The following BANP variants were observed in gnomAD, a reference collection of about 807,000 sequenced individuals.
BANP encodes BTG3 associated nuclear protein.
BANP carries 11 observed loss-of-function variants against 68.1 expected under a neutral mutation model. The ratio of observed to expected loss-of-function variants is 0.16; its 90% CI spans 0.10 to 0.27. The LOEUF (loss-of-function observed/expected upper bound fraction) is 0.27, where lower values mean the gene tolerates loss of function less well. BANP is among the 10% of genes least tolerant of loss of function. The pLI is 1.00. For synonymous variants in BANP, 329 were observed against 303.2 expected (o/e 1.09, Z -0.88); for missense variants, 504 against 722.7 (o/e 0.70, Z 3.47).
At chr16:88,049,437 T>C (rs1026030469) in intron 11 of BANP, among the ~76,000 whole-genome samples, 11 of 152,190 alleles carry the variant, frequency 7.2e-5, no homozygotes, top group African/African-American at 2.4e-5. Flanking sequence ...ACCAGCTGCC[T>C]GGAAGCTCAC....
intron 7 of BANP, among the ~76,000 whole-genome samples, chr16:88,026,951 C>T (rs2077116758): frequency 6.6e-6 from 1 of 152,200 alleles, no homozygotes; most frequent in Non-Finnish European, 1.5e-5. Context: ...GGGTGGGAGC[C>T]CAGGAGGGCG....
intron 6 of BANP, among the ~76,000 whole-genome samples, chr16:88,010,791 C>T (rs1410155681): frequency 6.6e-6 from 1 of 152,238 alleles, no homozygotes; most frequent in Non-Finnish European, 1.5e-5. Flanking sequence ...CCGATTCACA[C>T]ACCTCGCAGT....
intron 12 of BANP, among the ~76,000 whole-genome samples, chr16:88,069,964 C>T (rs2089891855): frequency 2.0e-5 from 3 of 152,310 alleles, no homozygotes; most frequent in Admixed American, 6.5e-5. Flanking sequence ...CTCCTCTTCC[C>T]CCCAGCCCCA....
chr16:87,990,823 C>T (rs1251857069), intron 4 of BANP, among the ~76,000 whole-genome samples: 2 of 152,110 alleles, frequency 1.3e-5, no homozygotes, highest in South Asian at 2.1e-4. Flanking sequence ...AGTGCAGTGG[C>T]GCAATCTCGG....
chr16:87,973,701 C>T (rs898092275), intron 1 of BANP, among the ~76,000 whole-genome samples: 11 of 142,278 alleles, frequency 7.7e-5, no homozygotes, highest in Admixed American at 3.0e-4. Context: ...GGAGGTAAGC[C>T]GAGATTGCGC....
Position 87,984,096 on chromosome 16 carries a change from C to A in BANP, c.199C>A (p.Arg67=), listed in dbSNP as rs1240310340. Residue 67 remains arginine (R), a synonymous_variant, in exon 4 of 14, where the codon CGG becomes AGG. Transcript: ENST00000682872. ...TTCCATCAACCAGACAATCTGCTTG[C>A]GGTTGGATAGCATTGAAGCCAAATT... The part of the protein sequence containing the change: ...LYSINQTICL[R]LDSIEAKLQA... 6.2e-7 allele frequency: 1 copy of A among 1,613,836 alleles called. No individual in the cohort carries two copies. The highest frequency in any genetic ancestry group is 1.3e-5 in the African/African-American group (1 of 74,852).
At chr16:87,983,399 A>G (rs11645250) in intron 3 of BANP, among the ~76,000 whole-genome samples, 99,995 of 152,080 alleles carry the variant, frequency 0.66, 33,481 homozygotes, top group African/African-American at 0.75. Flanking sequence ...GGGAAATGAA[A>G]TTCTTCCCTT....
intron 1 of BANP, among the ~76,000 whole-genome samples, chr16:87,965,756 G>A (rs1432846584): frequency 6.6e-6 from 1 of 152,200 alleles, no homozygotes; most frequent in Non-Finnish European, 1.5e-5. Flanking sequence ...GGTTAAAGAT[G>A]GTTCTGTAAA....
rs2085251892 is a variant in BANP, at chr16:88,057,096, G to A, written c.1312-8171G>A. ...ACTTTTTCTGAATAAGGGAGTTTTG[G>A]TGATTCTTTGGGTGTTCTGAGACTT... On this transcript the variant is annotated intron_variant, in intron 11 of 13. Transcript: ENST00000682872. This position sits in a 1 kb window ranked among gnomAD's most constrained non-coding sequence, Gnocchi z 4.6. Among the ~76,000 whole-genome samples the A allele has an allele frequency of 6.6e-6, 1 of 152,176 alleles. No individual in the cohort carries two copies. Among genetic ancestry groups the A allele is most frequent in the Non-Finnish European group, 1.5e-5 (1 of 68,028 alleles).
In BANP at chr16:88,057,252, A is replaced by C. The variant is rs1567897352; in HGVS notation, c.1312-8015A>C. On this transcript the variant is annotated intron_variant, in intron 11 of 13. Coordinates refer to ENST00000682872, the MANE Select transcript of BANP (RefSeq NM_001386991.1). This position sits in a 1 kb window ranked among gnomAD's most constrained non-coding sequence, Gnocchi z 4.6. ...GGTACGGGCCAGCCGCCAAGAGCTC[A>C]CCCAGCGCGCCTGTTGCTTTGGGTG... Among the ~76,000 whole-genome samples the C allele has an allele frequency of 6.6e-6, 1 of 152,194 alleles. No individual in the cohort carries two copies. Among genetic ancestry groups the C allele is most frequent in the Non-Finnish European group, 1.5e-5 (1 of 68,038 alleles).
intron 7 of BANP, among the ~76,000 whole-genome samples, chr16:88,020,388 C>T (rs1281187871): frequency 5.3e-5 from 8 of 152,246 alleles, no homozygotes; most frequent in Admixed American, 2.6e-4. Flanking sequence ...CACCAGACCA[C>T]GTGATGTGCT....
chr16:88,014,719 G>A (rs1193058429), intron 6 of BANP, among the ~76,000 whole-genome samples: 1 of 152,040 alleles, frequency 6.6e-6, no homozygotes, highest in Non-Finnish European at 1.5e-5. Context: ...ACATCCCGGT[G>A]TGGGTGGGTG....
chr16:88,011,996 G>C (rs2073265283), intron 6 of BANP, among the ~76,000 whole-genome samples: 1 of 152,198 alleles, frequency 6.6e-6, no homozygotes, highest in Non-Finnish European at 1.5e-5. Flanking sequence ...TTACCTTTAT[G>C]GGGTGTCCCT....
At chr16:87,956,378 A>G (rs1373007720) in intron 1 of BANP, among the ~76,000 whole-genome samples, 1 of 152,120 alleles carries the variant, frequency 6.6e-6, no homozygotes, top group Non-Finnish European at 1.5e-5. Flanking sequence ...AAACATCTGT[A>G]TTTTCTCTTC....
chr16:88,001,942 A>C (rs1567716135), intron 4 of BANP, among the ~76,000 whole-genome samples: 3 of 152,188 alleles, frequency 2.0e-5, no homozygotes, highest in South Asian at 4.1e-4. Context: ...AAAAAAAAAA[A>C]AACCTTCTGG....
intron 13 of BANP, among the ~76,000 whole-genome samples, chr16:88,073,237 G>C (rs368997438): frequency 6.6e-6 from 1 of 152,244 alleles, no homozygotes; most frequent in African/African-American, 2.4e-5. Context: ...CCTCAGCCGC[G>C]ACAGCCGTGT....
Position 88,037,957 on chromosome 16 carries a change from C to T in BANP, c.1273-16C>T, listed in dbSNP as rs1598732065. On this transcript the variant is annotated splice_polypyrimidine_tract_variant and intron_variant, in intron 10 of 13. Coordinates refer to ENST00000682872, the MANE Select transcript of BANP (RefSeq NM_001386991.1). ...TGTTTCTACTCATGACCGTCTCCTC[C>T]TCTCGTTCTTTGTAGGGCAACCTCC... 1 of 1,613,472 alleles carries T rather than the reference C, an allele frequency of 6.2e-7. No individual in the cohort carries two copies. The highest frequency in any genetic ancestry group is 8.5e-7 in the Non-Finnish European group (1 of 1,179,434).
intron 11 of BANP, among the ~76,000 whole-genome samples, chr16:88,047,871 G>T (rs1455439089): frequency 6.6e-6 from 1 of 152,236 alleles, no homozygotes. Flanking sequence ...TTTTTACACT[G>T]CTATGACTAT....
At chr16:88,073,366 C>T (rs1270929559) in intron 13 of BANP, among the ~76,000 whole-genome samples, 3 of 152,250 alleles carry the variant, frequency 2.0e-5, no homozygotes, top group Non-Finnish European at 2.9e-5. Flanking sequence ...AGCATTCCTG[C>T]TGTGCCCATG....
Sources: allele counts gnomAD v4.1 joint callset (sites outside exome capture counted in the v4.1 genomes callset), GRCh38; gene constraint gnomAD v4.1.1; non-coding constraint Gnocchi (gnomAD v3.1); transcripts MANE v1.5; gene names NCBI Gene and HGNC (gene_info 2026-07-23, HGNC 2026-07-21).